ZMYM4: variants seen among roughly 807,000 people sequenced by gnomAD.
The protein encoded by ZMYM4 is zinc finger MYM-type containing 4, also known as zinc finger MYM-type protein 4.
Under a neutral mutation model 183.2 loss-of-function variants are expected in ZMYM4, and 31 were observed. The ratio of observed to expected loss-of-function variants is 0.17; its 90% CI spans 0.13 to 0.23. ZMYM4 has a LOEUF of 0.23. Ranked by LOEUF, ZMYM4 falls within the 10% of genes least tolerant of loss-of-function variation. The pLI is 1.00. For missense variants in ZMYM4, 1,273 were observed against 1,840.3 expected (o/e 0.69, Z 5.64); for synonymous variants, 592 against 631.2 (o/e 0.94, Z 0.93).
At chr1:35,335,071 A>C (rs997883886) in intron 2 of ZMYM4, among the ~76,000 whole-genome samples, 1 of 152,168 alleles carries the variant, frequency 6.6e-6, no homozygotes, top group African/African-American at 2.4e-5. Context: ...CCAGTCTCAT[A>C]CAAGTAGCCA....
intron 9 of ZMYM4, 96 bp downstream of exon 9, chr1:35,381,854 G>T (rs1644465074): frequency 2.1e-6 from 3 of 1,440,864 alleles, no homozygotes; most frequent in South Asian, 1.3e-5. Context: ...TTGCAATATT[G>T]GGTTTACTGG....
intron 1 of ZMYM4, among the ~76,000 whole-genome samples, chr1:35,303,318 T>C (rs1448254524): frequency 6.7e-6 from 1 of 149,848 alleles, no homozygotes; most frequent in African/African-American, 2.5e-5. Flanking sequence ...AGAAAAAAAA[T>C]TGCTTATAGT....
chr1:35,417,823 A>C (rs1411707055), intron 28 of ZMYM4, among the ~76,000 whole-genome samples: 1 of 152,176 alleles, frequency 6.6e-6, no homozygotes, highest in Admixed American at 6.5e-5. Context: ...CAGACTGGCC[A>C]ACATGGTGAA....
intron 1 of ZMYM4, among the ~76,000 whole-genome samples, chr1:35,305,159 A>G (rs1033613044): frequency 2.3e-4 from 35 of 152,232 alleles, no homozygotes; most frequent in African/African-American, 8.4e-4. Flanking sequence ...GTAAACTTTA[A>G]AAAGTGCATA....
chr1:35,391,146 G>C (rs970691170), intron 15 of ZMYM4, among the ~76,000 whole-genome samples: 1 of 152,220 alleles, frequency 6.6e-6, no homozygotes, highest in Non-Finnish European at 1.5e-5. Flanking sequence ...AGATTTATTG[G>C]AGAAAGTGTG....
chr1:35,288,739 G>A (rs1640622002), intron 1 of ZMYM4, among the ~76,000 whole-genome samples: 1 of 152,156 alleles, frequency 6.6e-6, no homozygotes, highest in Admixed American at 6.5e-5. Flanking sequence ...GGTGAGCAGA[G>A]GGCATCTTTT....
chr1:35,372,581 G>A (rs1265772542), intron 7 of ZMYM4, among the ~76,000 whole-genome samples: 3 of 152,086 alleles, frequency 2.0e-5, no homozygotes, highest in Non-Finnish European at 4.4e-5. Flanking sequence ...TTTAGGCATC[G>A]CACAGTGTGT....
Position 35,389,454 on chromosome 1 carries a change from A to G in ZMYM4, c.2436+372A>G, listed in dbSNP as rs112863722. Among the ~76,000 whole-genome samples, 9,801 of 152,108 alleles carry G rather than the reference A, an allele frequency of 0.064. 923 individuals carry two copies. The highest frequency in any genetic ancestry group is 0.44 in the East Asian group (2,264 of 5,162). Reference sequence around the variant, plus strand: ...TCTGTATGTTACATGTGTTTTTTAAAAAAAATTAGTATAAAATCAGCTGGG... The same window carrying G: ...TCTGTATGTTACATGTGTTTTTTAAGAAAAATTAGTATAAAATCAGCTGGG... On this transcript the variant is annotated intron_variant, in intron 14 of 29. Transcript: ENST00000314607. This position sits in a 1 kb window ranked among gnomAD's most constrained non-coding sequence, Gnocchi z 4.0.
intron 7 of ZMYM4, among the ~76,000 whole-genome samples, chr1:35,378,213 A>G (rs12069911): frequency 6.6e-6 from 1 of 152,116 alleles, no homozygotes; most frequent in African/African-American, 2.4e-5. Flanking sequence ...AGAAGTCTCA[A>G]ACTCCTCAGA....
chr1:35,411,702 A>G (rs1433452889), intron 26 of ZMYM4, among the ~76,000 whole-genome samples: 1 of 152,200 alleles, frequency 6.6e-6, no homozygotes, highest in African/African-American at 2.4e-5. Flanking sequence ...TGCCATTTTA[A>G]CATCATTAAA....
chr1:35,393,511 A>C, intron 17 of ZMYM4, 84 bp from the exon 18 acceptor site: 5 of 1,272,172 alleles, frequency 3.9e-6, no homozygotes, highest in Non-Finnish European at 5.3e-6. Flanking sequence ...CCAATATGAC[A>C]TTTCCTTTAA....
chr1:35,307,910 A>G (rs766372466), intron 1 of ZMYM4, among the ~76,000 whole-genome samples: 2 of 150,144 alleles, frequency 1.3e-5, no homozygotes, highest in Non-Finnish European at 3.0e-5. Context: ...GCTCACTGCA[A>G]CCTCCGCCTC....
rs533672989 is a variant in ZMYM4 at position 35,268,947 on chromosome 1, C to A, written c.-100C>A. On this transcript the variant is annotated 5_prime_UTR_variant, in exon 1 of 30. Transcript: ENST00000314607. ...GCCCGGCCGGGTCCGGGGAAGCTGC[C>A]GCGAGGCGGCCGTGCCTGCAGTGTG... is the stretch of plus-strand genomic sequence containing the variant. The A allele has an allele frequency of 1.5e-5, 20 of 1,296,712 alleles. No homozygotes were observed. The South Asian group carries it at 3.5e-4, about 23-fold the overall frequency. 80.3% of individuals were successfully genotyped at this position (1,296,712 alleles called of 1,614,324 possible).
intron 1 of ZMYM4, among the ~76,000 whole-genome samples, chr1:35,307,542 A>ATTAT: frequency 7.3e-6 from 1 of 136,134 alleles, no homozygotes; most frequent in South Asian, 2.2e-4. Flanking sequence ...TATTATTATT[A>ATTAT]TTTTTTTTTT....
At chr1:35,344,103 G>T (rs1215209297) in intron 2 of ZMYM4, among the ~76,000 whole-genome samples, 3 of 151,258 alleles carry the variant, frequency 2.0e-5, no homozygotes, top group African/African-American at 7.3e-5. Context: ...GCCCAGGCTG[G>T]AGTGCAGTGG....
chr1:35,370,650 C>CT (rs1558102165), intron 7 of ZMYM4, 23 bp downstream of exon 7: 1 of 1,497,984 alleles, frequency 6.7e-7, no homozygotes, highest in Non-Finnish European at 9.0e-7. Flanking sequence ...TCTAAATTAT[C>CT]TTTTTTGTTT....
intron 2 of ZMYM4, among the ~76,000 whole-genome samples, chr1:35,335,329 C>T (rs553766487): frequency 1.3e-5 from 2 of 151,966 alleles, no homozygotes; most frequent in African/African-American, 2.4e-5. Flanking sequence ...CTCTGCTTCC[C>T]GGGTTCAAGT....
chr1:35,329,087 A>AT (rs1432384871), intron 2 of ZMYM4, among the ~76,000 whole-genome samples: 1 of 152,226 alleles, frequency 6.6e-6, no homozygotes, highest in African/African-American at 2.4e-5. Context: ...AGTATTTACT[A>AT]ATTATTGGCA....
chr1:35,409,854 C>T (rs1431909786), intron 26 of ZMYM4, among the ~76,000 whole-genome samples: 2 of 151,740 alleles, frequency 1.3e-5, no homozygotes, highest in South Asian at 2.1e-4. Context: ...GCAGGAGAAT[C>T]GCTTGAACCC....
Sources: gnomAD v4.1 joint callset for allele counts (sites outside exome capture counted in the v4.1 genomes callset) on GRCh38, gnomAD v4.1.1 for gene constraint, Gnocchi (gnomAD v3.1) non-coding constraint, MANE v1.5 for transcripts, NCBI Gene and HGNC (gene_info 2026-07-23, HGNC 2026-07-21) for gene names.